The following PVT1 variants were observed in gnomAD, a reference collection of about 807,000 sequenced individuals.
PVT1 encodes the protein Pvt1 oncogene.
chr8:127,875,031 G>C (rs1815390670), intron 2 of PVT1, among the ~76,000 whole-genome samples: 1 of 152,126 alleles, frequency 6.6e-6, no homozygotes, highest in Admixed American at 6.5e-5. Context: ...TTGGGTGCCT[G>C]TGTATTTAGA....
At chr8:127,990,147 G>A (rs1327684791) in intron 4 of PVT1, among the ~76,000 whole-genome samples, 1 of 152,188 alleles carries the variant, frequency 6.6e-6, no homozygotes, top group East Asian at 1.9e-4. Flanking sequence ...GGAAACAGCT[G>A]AGAATCACCT....
chr8:127,959,955 T>C (rs558061057), intron 3 of PVT1, among the ~76,000 whole-genome samples: 2 of 152,350 alleles, frequency 1.3e-5, no homozygotes, highest in Admixed American at 6.5e-5. Context: ...GCCTGCCTTT[T>C]CATGTATGTC....
intron 4 of PVT1, among the ~76,000 whole-genome samples, chr8:128,069,881 T>C (rs2130134094): frequency 6.6e-6 from 1 of 152,278 alleles, no homozygotes; most frequent in Non-Finnish European, 1.5e-5. Flanking sequence ...TTGTCATTAT[T>C]ATCATCATCA....
intron 3 of PVT1, among the ~76,000 whole-genome samples, chr8:127,984,915 T>TTCTTTCTTTCTTTCTTTC (rs1563657635): frequency 1.6e-4 from 9 of 57,438 alleles, no homozygotes; most frequent in Non-Finnish European, 3.2e-4. Flanking sequence ...CTTTCTTTCT[T>TTCTTTCTTTCTTTCTTTC]TCTTTCTCTT....
At chr8:127,891,164 G>A (rs188682798) in intron 3 of PVT1, among the ~76,000 whole-genome samples, 1 of 152,278 alleles carries the variant, frequency 6.6e-6, no homozygotes, top group East Asian at 1.9e-4. Context: ...ACTGTTCCCT[G>A]CCCTGACGTG....
chr8:128,071,338 G>A (rs2720667), intron 5 of PVT1, among the ~76,000 whole-genome samples: 102,950 of 151,948 alleles, frequency 0.68, 35,195 homozygotes, highest in East Asian at 0.83. Flanking sequence ...TCCCCTTCTT[G>A]TCAGCCACGT....
intron 6 of PVT1, chr8:128,099,730 C>T (rs983817682): frequency 7.2e-5 from 11 of 152,158 alleles, no homozygotes; most frequent in Non-Finnish European, 1.6e-4. Context: ...TCTTCCAGTA[C>T]AGTTTCTATG....
intron 2 of PVT1, among the ~76,000 whole-genome samples, chr8:127,812,690 T>G (rs1029451611): frequency 4.1e-4 from 50 of 120,674 alleles, no homozygotes; most frequent in South Asian, 5.5e-4. Context: ...GGTAGGAAAA[T>G]GGAAGGAAGG....
At chr8:127,948,047 C>T in intron 3 of PVT1, 1 of 392,824 alleles carries the variant, frequency 2.5e-6, no homozygotes, top group Non-Finnish European at 5.0e-6. Flanking sequence ...GTTGAAATTC[C>T]TAGAATCCCA....
At chr8:128,065,196 TTTTA>T (rs1813889716) in intron 4 of PVT1, among the ~76,000 whole-genome samples, 1 of 93,814 alleles carries the variant, frequency 1.1e-5, no homozygotes, top group African/African-American at 3.4e-5. Context: ...CTTTTTTATT[TTTTA>T]TTTTTTTTTG....
chr8:127,820,714 TC>T (rs1212425258), intron 2 of PVT1, among the ~76,000 whole-genome samples: 13 of 152,022 alleles, frequency 8.6e-5, no homozygotes, highest in Admixed American at 2.6e-4. Flanking sequence ...TTTTTTTTTT[TC>T]TTTTGTGTTT....
intron 3 of PVT1, among the ~76,000 whole-genome samples, chr8:127,984,513 G>A (rs1030537473): frequency 4.6e-5 from 7 of 152,198 alleles, no homozygotes; most frequent in African/African-American, 1.7e-4. Flanking sequence ...TGTTTATCAA[G>A]CACCCACTCT....
chr8:127,944,731 C>T (rs976669949), intron 3 of PVT1, among the ~76,000 whole-genome samples: 5 of 152,158 alleles, frequency 3.3e-5, no homozygotes, highest in African/African-American at 1.2e-4. Context: ...CAGGATGCCT[C>T]ACTGGTAACA....
chr8:128,040,884 G>T (rs1485155383), intron 4 of PVT1, among the ~76,000 whole-genome samples: 30 of 146,448 alleles, frequency 2.0e-4, no homozygotes, highest in Non-Finnish European at 9.0e-5. Context: ...ACGTGCATGT[G>T]TTTGTGTGTA....
intron 5 of PVT1, among the ~76,000 whole-genome samples, chr8:128,081,396 G>C (rs556083923): frequency 6.6e-6 from 1 of 152,260 alleles, no homozygotes; most frequent in African/African-American, 2.4e-5. Flanking sequence ...TACTCATTTG[G>C]GTAGACACCA....
chr8:128,045,556 A>G (rs906275388), intron 4 of PVT1, among the ~76,000 whole-genome samples: 2 of 152,186 alleles, frequency 1.3e-5, no homozygotes, highest in East Asian at 1.9e-4. Flanking sequence ...ACGCAACCCA[A>G]TGCTTTTTCC....
chr8:128,074,781 A>C (rs950517770), intron 5 of PVT1, among the ~76,000 whole-genome samples: 1 of 152,232 alleles, frequency 6.6e-6, no homozygotes, highest in East Asian at 1.9e-4. Flanking sequence ...AGGTAATTCA[A>C]ATCAAATGCT....
chr8:128,027,234 C>T (rs1586487498), intron 4 of PVT1, among the ~76,000 whole-genome samples: 1 of 152,286 alleles, frequency 6.6e-6, no homozygotes, highest in South Asian at 2.1e-4. Context: ...GACTCCTCCT[C>T]CCCCTGTTGT....
intron 2 of PVT1, among the ~76,000 whole-genome samples, chr8:127,848,589 A>G (rs1037445863): frequency 8.5e-5 from 13 of 152,172 alleles, no homozygotes; most frequent in Non-Finnish European, 4.4e-5. Context: ...AGGCTGAGGC[A>G]GGAGAATCGC....
Sources: allele counts gnomAD v4.1 joint callset (sites outside exome capture counted in the v4.1 genomes callset), GRCh38; gene constraint gnomAD v4.1.1; transcripts MANE v1.5; gene names NCBI Gene and HGNC (gene_info 2026-07-23, HGNC 2026-07-21).